GABRB1: variants seen among roughly 807,000 people sequenced by gnomAD.
GABRB1 encodes the protein gamma-aminobutyric acid receptor subunit beta-1.
GABRB1 carries 17 observed loss-of-function variants against 51.6 expected under a neutral mutation model. The observed-to-expected ratio is 0.33, with a 90% CI of 0.23 to 0.49. GABRB1 has a LOEUF of 0.49. GABRB1 is among the 20% of genes least tolerant of loss of function. The pLI is 0.99. For synonymous variants in GABRB1, 247 were observed against 218.9 expected (o/e 1.13, Z -1.14); for missense variants, 410 against 600.6 (o/e 0.68, Z 3.32).
At chr4:47,278,976 T>A (rs796124659) in intron 4 of GABRB1, among the ~76,000 whole-genome samples, 7 of 152,256 alleles carry the variant, frequency 4.6e-5, no homozygotes, top group African/African-American at 1.7e-4. Flanking sequence ...GCTATATTGC[T>A]CATTTTTGTT....
chr4:47,164,683 A>T (rs956366855), intron 4 of GABRB1, among the ~76,000 whole-genome samples: 3 of 152,134 alleles, frequency 2.0e-5, no homozygotes, highest in Admixed American at 6.6e-5. Context: ...CGGTAAGCTC[A>T]ATATGAGATA....
intron 3 of GABRB1, among the ~76,000 whole-genome samples, chr4:47,149,387 T>A (rs1717326887): frequency 6.6e-6 from 1 of 152,058 alleles, no homozygotes; most frequent in Admixed American, 6.6e-5. Flanking sequence ...GTATTTCAAT[T>A]GATCATCCCA....
intron 4 of GABRB1, among the ~76,000 whole-genome samples, chr4:47,242,132 C>A (rs28584485): frequency 6.6e-6 from 1 of 151,536 alleles, no homozygotes; most frequent in South Asian, 2.1e-4. Context: ...TGAGAACATG[C>A]GGTGTTTGGT....
chr4:47,159,511 T>C (rs910403273), intron 3 of GABRB1, among the ~76,000 whole-genome samples: 9 of 3,834 alleles, frequency 2.3e-3, no homozygotes, highest in Non-Finnish European at 3.5e-3. Flanking sequence ...TGAGGGTTAT[T>C]TTTTTTTTTT....
At chr4:47,261,479 T>C (rs1313438994) in intron 4 of GABRB1, among the ~76,000 whole-genome samples, 1 of 152,008 alleles carries the variant, frequency 6.6e-6, no homozygotes, top group Non-Finnish European at 1.5e-5. Flanking sequence ...GGAATCCAAC[T>C]TACAAGGGAC....
At chr4:47,174,744 ATCT>A (rs1189274672) in intron 4 of GABRB1, among the ~76,000 whole-genome samples, 1 of 152,032 alleles carries the variant, frequency 6.6e-6, no homozygotes, top group African/African-American at 2.4e-5. Context: ...AGCATCTGTA[ATCT>A]TCTTGTGTCA....
chr4:47,312,186 T>C (rs2109953977), intron 4 of GABRB1, among the ~76,000 whole-genome samples: 1 of 152,176 alleles, frequency 6.6e-6, no homozygotes, highest in Admixed American at 6.6e-5. Flanking sequence ...GACCGTTCTT[T>C]AAAGTTTTTT....
At chr4:47,299,886 T>C (rs1578076226) in intron 4 of GABRB1, among the ~76,000 whole-genome samples, 1 of 151,944 alleles carries the variant, frequency 6.6e-6, no homozygotes, top group East Asian at 1.9e-4. Context: ...GTGGCACATA[T>C]ACACCACGGA....
intron 4 of GABRB1, among the ~76,000 whole-genome samples, chr4:47,242,592 G>A (rs1215662906): frequency 6.6e-6 from 1 of 152,192 alleles, no homozygotes; most frequent in African/African-American, 2.4e-5. Context: ...ACTGGTATGA[G>A]ATGGTATCTC....
At chr4:47,069,182 T>C (rs887327317) in intron 3 of GABRB1, among the ~76,000 whole-genome samples, 4 of 152,202 alleles carry the variant, frequency 2.6e-5, no homozygotes, top group African/African-American at 9.7e-5. Context: ...CCTCTTCTGT[T>C]ACCATGTTAA....
chr4:47,416,512 G>T (rs1171291902), intron 8 of GABRB1, among the ~76,000 whole-genome samples: 1 of 150,936 alleles, frequency 6.6e-6, no homozygotes, highest in Non-Finnish European at 1.5e-5. Context: ...GTGCAGTGGC[G>T]CAATCGTGGC....
At chr4:47,111,632 G>A (rs1363668877) in intron 3 of GABRB1, among the ~76,000 whole-genome samples, 6 of 152,082 alleles carry the variant, frequency 3.9e-5, no homozygotes, top group African/African-American at 1.4e-4. Flanking sequence ...GGGAGGCTGA[G>A]GCAGGCAGAT....
intron 3 of GABRB1, among the ~76,000 whole-genome samples, chr4:47,051,635 G>A (rs1339007067): frequency 8.5e-5 from 13 of 152,138 alleles, no homozygotes; most frequent in Non-Finnish European, 1.9e-4. Context: ...GTACAGGGAA[G>A]AGAAGAGCCA....
At chr4:47,150,315 C>G (rs1577953432) in intron 3 of GABRB1, among the ~76,000 whole-genome samples, 1 of 10,082 alleles carries the variant, frequency 9.9e-5, no homozygotes, top group Non-Finnish European at 2.8e-4. Context: ...ATCCATCACA[C>G]ACACACACAC....
intron 3 of GABRB1, among the ~76,000 whole-genome samples, chr4:47,109,184 G>T (rs1353754545): frequency 6.6e-6 from 1 of 152,060 alleles, no homozygotes; most frequent in Non-Finnish European, 1.5e-5. Flanking sequence ...ATAGCTTAGA[G>T]TGGGGAGAGA....
In GABRB1 at chr4:47,131,337, T is replaced by G. The variant is rs536961979; in HGVS notation, c.241-29912T>G. ...CCATACCTGGCTAATTTTTGTATTT[T>G]TAGTGGAGATGGGGTTTCGCCATGT... On this transcript the variant is annotated intron_variant, in intron 3 of 8. Transcript: ENST00000295454. 3.3e-5 allele frequency among the ~76,000 whole-genome samples: 5 copies of G among 152,228 alleles called. No homozygotes were observed. In the South Asian group the frequency reaches 1.0e-3, roughly 32 times the overall value.
chr4:47,417,471 G>C (rs1006286424), intron 8 of GABRB1, among the ~76,000 whole-genome samples: 3 of 151,892 alleles, frequency 2.0e-5, no homozygotes, highest in African/African-American at 7.3e-5. Flanking sequence ...AAAGGTTTCA[G>C]GAATTCCAGC....
intron 4 of GABRB1, among the ~76,000 whole-genome samples, chr4:47,221,111 T>C (rs1016721877): frequency 2.0e-5 from 3 of 152,042 alleles, no homozygotes; most frequent in Non-Finnish European, 4.4e-5. Flanking sequence ...AAAGAAATTT[T>C]ATTTTACCTC....
At position 47,141,333 on chromosome 4, in the gene GABRB1, T is replaced by C. The variant is rs572748373; in HGVS notation, c.241-19916T>C. Among the ~76,000 whole-genome samples the C allele has an allele frequency of 4.6e-5, 7 of 152,046 alleles. No homozygotes were observed. The South Asian group carries it at 1.0e-3, about 23-fold the overall frequency. On this transcript the variant is annotated intron_variant, in intron 3 of 8. Transcript: ENST00000295454. ...CTACATGACAAGTAGCTTATGCACA[T>C]GCCCAAGCTCTCAAGTTAAAATTTC...
Sources: gnomAD v4.1 joint callset for allele counts (sites outside exome capture counted in the v4.1 genomes callset) on GRCh38, gnomAD v4.1.1 for gene constraint, MANE v1.5 for transcripts, NCBI Gene and HGNC (gene_info 2026-07-23, HGNC 2026-07-21) for gene names.